The following IRAG2 variants were observed in gnomAD, a reference collection of about 807,000 sequenced individuals.
IRAG2 encodes the protein lymphoid restricted membrane protein.
IRAG2 carries 45 observed loss-of-function variants against 69.9 expected under a neutral mutation model. The observed-to-expected ratio is 0.64, with a 90% CI of 0.51 to 0.83. The LOEUF is 0.83. Among genes scored for constraint, IRAG2 ranks in the 40% least tolerant of loss-of-function variants. The pLI is 0.00. For synonymous variants in IRAG2, 193 were observed against 202.4 expected (o/e 0.95, Z 0.40); for missense variants, 520 against 587.0 (o/e 0.89, Z 1.18).
intron 10 of IRAG2, 43 bp from the exon 11 acceptor site, chr12:25,088,057 G>A: frequency 7.2e-7 from 1 of 1,390,430 alleles, no homozygotes; most frequent in Middle Eastern, 1.8e-4. Context: ...TGGTTATGAA[G>A]TATTTCCACT....
At chr12:25,058,827 A>G (rs1330639443) in intron 1 of IRAG2, among the ~76,000 whole-genome samples, 3 of 152,196 alleles carry the variant, frequency 2.0e-5, no homozygotes, top group Admixed American at 6.5e-5. Context: ...ACTTCCTTCT[A>G]TATGAAGCAT....
chr12:25,030,262 A>G (rs1944658598), intron 9 of IRAG2: 1 of 1,231,340 alleles, frequency 8.1e-7, no homozygotes. Flanking sequence ...CCTTCCCTAA[A>G]TTCGTCTCTT....
intron 3 of IRAG2, among the ~76,000 whole-genome samples, chr12:25,012,266 C>A (rs899383321): frequency 2.6e-5 from 4 of 150,978 alleles, no homozygotes; most frequent in Non-Finnish European, 5.9e-5. Flanking sequence ...GCAATTCTCC[C>A]GCCACACCCT....
At chr12:25,049,187 A>C (rs1944820495), upstream of IRAG2, among the ~76,000 whole-genome samples, 1 of 152,150 alleles carries the variant, frequency 6.6e-6, no homozygotes, top group African/African-American at 2.4e-5. Flanking sequence ...TGATGCCTCC[A>C]GTTTTGTTCT....
At chr12:25,019,906 C>T (rs1463447635) in intron 6 of IRAG2, among the ~76,000 whole-genome samples, 2 of 152,144 alleles carry the variant, frequency 1.3e-5, no homozygotes, top group African/African-American at 4.8e-5. Flanking sequence ...ACCTAAAAGC[C>T]AGAAACCCTT....
In IRAG2 at chr12:25,101,238, A is replaced by T. The variant is rs1178550916; in HGVS notation, c.802A>T (p.Met268Leu). 6.2e-7 allele frequency: 1 copy of T among 1,612,960 alleles called. No homozygotes were observed. Among genetic ancestry groups the T allele is most frequent in the Non-Finnish European group, 8.5e-7 (1 of 1,179,320 alleles). The change falls in exon 16 of 22, where the codon ATG becomes TTG. Residue 268 changes from methionine (M) to leucine (L), a missense_variant. Met to Leu is a conservative substitution (Grantham distance 15). Transcript: ENST00000556887. ...TCAGCACGTAGAAAACTTGAAGAGG[A>T]TGTATGCCAAAGAGCACGCTGAATT... ...MIQHVENLKRMYAKEHAELEE... is the reference protein window; with the variant it reads ...MIQHVENLKRLYAKEHAELEE...
intron 14 of IRAG2, chr12:25,036,580 T>C (rs1944704004): frequency 2.5e-6 from 1 of 398,912 alleles, no homozygotes; most frequent in Non-Finnish European, 4.4e-6. Context: ...GAACTCTTTT[T>C]TCAGCACGAA....
At chr12:25,001,441 G>A (rs961137700), upstream of IRAG2, among the ~76,000 whole-genome samples, 1 of 152,004 alleles carries the variant, frequency 6.6e-6, no homozygotes, top group African/African-American at 2.4e-5. Context: ...CCAAGACCCT[G>A]TCTCGAAAAT....
intron 3 of IRAG2, among the ~76,000 whole-genome samples, chr12:25,063,158 G>C (rs1177026388): frequency 6.6e-6 from 1 of 152,148 alleles, no homozygotes; most frequent in Non-Finnish European, 1.5e-5. Context: ...CGCCTCCTGG[G>C]TTCAAGAGAT....
At chr12:25,068,476 C>T (rs577073209) in intron 5 of IRAG2, among the ~76,000 whole-genome samples, 124 of 152,234 alleles carry the variant, frequency 8.1e-4, no homozygotes, top group Non-Finnish European at 4.4e-4. Context: ...TTACTAGGCA[C>T]GATTGATTAA....
At chr12:25,003,358 A>G (rs771812897), upstream of IRAG2, among the ~76,000 whole-genome samples, 3 of 152,070 alleles carry the variant, frequency 2.0e-5, no homozygotes, top group African/African-American at 4.8e-5. Flanking sequence ...ATCTAATCTA[A>G]TCTAATCTGT....
At chr12:25,025,624 T>G (rs1405875212) in intron 8 of IRAG2, among the ~76,000 whole-genome samples, 2 of 152,160 alleles carry the variant, frequency 1.3e-5, no homozygotes, top group Admixed American at 1.3e-4. Context: ...GCTGCTGGGT[T>G]TAGAATCCAT....
chr12:25,015,359 G>A, exon 5 of IRAG2: 3 of 1,231,938 alleles, frequency 2.4e-6, no homozygotes, highest in African/African-American at 1.5e-5. Flanking sequence ...GTGAAGATGA[G>A]CACAGATATA....
rs1277019955 is a variant in IRAG2, at chr12:25,103,885, G to A, written c.982G>A (p.Gly328Arg). Residue 328 changes from glycine (G) to arginine (R), a missense_variant, in exon 18 of 22, where the codon GGA (glycine) becomes AGA (arginine). By Grantham distance (125) the Gly-to-Arg change is moderately radical. Transcript: ENST00000556887. ...VTIASLPRNI[G>R]NAGMVAGMEN... ...TATTGCCTCTTTACCCAGAAATATT[G>A]GAAATGCAGGAATGGTAAGACAATT... is the stretch of plus-strand genomic sequence containing the variant. 1.7e-5 allele frequency: 28 copies of A among 1,612,906 alleles called. No homozygotes were observed. The highest frequency in any genetic ancestry group is 2.4e-5 in the Non-Finnish European group (28 of 1,179,280).
chr12:25,106,742 A>T (rs201182112), intron 20 of IRAG2, among the ~76,000 whole-genome samples: 1 of 150,670 alleles, frequency 6.6e-6, no homozygotes, highest in African/African-American at 2.4e-5. Flanking sequence ...AGAAGAACTT[A>T]TTTTTAATTA....
chr12:25,063,859 G>A (rs2139986992), intron 4 of IRAG2, 43 bp downstream of exon 4: 1 of 398,934 alleles, frequency 2.5e-6, no homozygotes, highest in East Asian at 3.6e-5. Flanking sequence ...AGTAGGGGTA[G>A]AGTTCTATTT....
chr12:25,003,974 C>A (rs1405617836), upstream of IRAG2, among the ~76,000 whole-genome samples: 1 of 152,130 alleles, frequency 6.6e-6, no homozygotes, highest in African/African-American at 2.4e-5. Context: ...TGAGCTGTGG[C>A]ATTTATTGGG....
intron 14 of IRAG2, among the ~76,000 whole-genome samples, chr12:25,095,947 A>G (rs970259086): frequency 1.3e-5 from 2 of 152,188 alleles, no homozygotes; most frequent in Non-Finnish European, 2.9e-5. Context: ...AAGAAACTGC[A>G]TGTCTGACAA....
chr12:24,997,616 G>A, the IRAG2 span: 3 of 153,156 alleles, frequency 2.0e-5, no homozygotes. Context: ...CGAAAATAAG[G>A]TGGTGAGTTT....
Sources: allele counts gnomAD v4.1 joint callset (sites outside exome capture counted in the v4.1 genomes callset), GRCh38; gene constraint gnomAD v4.1.1; transcripts MANE v1.5; gene names NCBI Gene and HGNC (gene_info 2026-07-23, HGNC 2026-07-21).